COMMD1: variants seen among roughly 807,000 people sequenced by gnomAD.
The protein encoded by COMMD1 is copper metabolism domain containing 1, also known as COMM domain-containing protein 1.
Under a neutral mutation model 17.2 loss-of-function variants are expected in COMMD1, and 10 were observed. The ratio of observed to expected loss-of-function variants is 0.58; its 90% confidence interval spans 0.36 to 0.99. The LOEUF (loss-of-function observed/expected upper bound fraction) is 0.99, where lower values mean the gene tolerates loss of function less well. Ranked by LOEUF, COMMD1 falls within the 50% of genes least tolerant of loss-of-function variation. The pLI, the probability that COMMD1 is intolerant of heterozygous loss-of-function variation, is 0.01. For synonymous variants in COMMD1, 97 were observed against 91.6 expected, an observed-to-expected ratio of 1.06 and a Z score of -0.34; for missense variants, 270 against 231.8, an observed-to-expected ratio of 1.17 and a Z score of -1.07.
chr2:62,066,725 AT>A (rs537104678), intron 2 of COMMD1, among the ~76,000 whole-genome samples: 42 of 129,282 alleles, frequency 3.2e-4, no homozygotes, highest in Non-Finnish European at 2.8e-4. Context: ...ATGTATATAG[AT>A]TTTTTTTTTT....
intron 2 of COMMD1, among the ~76,000 whole-genome samples, chr2:62,023,053 C>T (rs1379090370): frequency 6.6e-6 from 1 of 152,096 alleles, no homozygotes; most frequent in East Asian, 1.9e-4. Context: ...ATGGTGAAAC[C>T]TCGACTCTAC....
At chr2:62,052,958 A>G (rs1353433607) in intron 2 of COMMD1, among the ~76,000 whole-genome samples, 2 of 152,102 alleles carry the variant, frequency 1.3e-5, no homozygotes, top group African/African-American at 2.4e-5. Context: ...AGTCCCAGCT[A>G]CTCGGGAGGC....
chr2:61,984,175 C>A (rs900568648), intron 1 of COMMD1, among the ~76,000 whole-genome samples: 6 of 152,164 alleles, frequency 3.9e-5, no homozygotes, highest in Non-Finnish European at 8.8e-5. Flanking sequence ...CAGGCGTGTG[C>A]CACCACACCC....
At chr2:62,057,583 A>G (rs2103931692) in intron 2 of COMMD1, among the ~76,000 whole-genome samples, 1 of 152,070 alleles carries the variant, frequency 6.6e-6, no homozygotes, top group Admixed American at 6.5e-5. Flanking sequence ...TATTTTATTT[A>G]TTTTTATTTA....
chr2:62,083,609 T>G (rs1322653658), intron 2 of COMMD1, among the ~76,000 whole-genome samples: 1 of 152,256 alleles, frequency 6.6e-6, no homozygotes, highest in African/African-American at 2.4e-5. Flanking sequence ...CTTATTCATT[T>G]TGTCATTCAA....
intron 2 of COMMD1, among the ~76,000 whole-genome samples, chr2:62,125,836 G>A (rs1462234395): frequency 6.6e-6 from 1 of 152,030 alleles, no homozygotes; most frequent in Non-Finnish European, 1.5e-5. Context: ...GTAAATGTGT[G>A]CCATGGTGGT....
In COMMD1 at chr2:61,905,711, C is replaced by A. The variant is rs764293302; in HGVS notation, c.33C>A (p.Pro11=). 5 of 1,600,898 alleles carry A rather than the reference C, an allele frequency of 3.1e-6. No individual in the cohort carries two copies. The highest frequency in any genetic ancestry group is 1.3e-5 in the African/African-American group (1 of 74,798). MAAGELEGGK[P]LSGLLNALAQ... ...CGGGCGAGCTTGAGGGTGGCAAACC[C>A]CTGAGCGGGCTGCTGAATGCGCTGG... Residue 11 remains proline (P), a synonymous_variant, in exon 1 of 3, where the codon CCC becomes CCA. Coordinates refer to ENST00000311832, the MANE Select transcript of COMMD1 (RefSeq NM_152516.4).
chr2:61,899,050 C>T (rs771305544), intron 1 of COMMD1, among the ~76,000 whole-genome samples: 3 of 152,146 alleles, frequency 2.0e-5, no homozygotes, highest in Non-Finnish European at 2.9e-5. Context: ...TATTTTGGAA[C>T]GTGCTGTAGG....
At chr2:62,055,483 A>G (rs772883491) in intron 2 of COMMD1, 1 of 456,054 alleles carries the variant, frequency 2.2e-6, no homozygotes, top group South Asian at 1.5e-5. Flanking sequence ...CCCACTTTGT[A>G]TATGTGGCGA....
chr2:61,926,944 C>T (rs540512235), intron 1 of COMMD1, among the ~76,000 whole-genome samples: 2 of 152,132 alleles, frequency 1.3e-5, no homozygotes, highest in Non-Finnish European at 2.9e-5. Context: ...TCTATTGAGA[C>T]GTGCCTCAGT....
intron 2 of COMMD1, among the ~76,000 whole-genome samples, chr2:62,122,976 GT>G (rs748596905): frequency 1.3e-5 from 2 of 152,154 alleles, no homozygotes; most frequent in African/African-American, 2.4e-5. Context: ...TCAGACTTTG[GT>G]TTTTATTGAG....
chr2:62,037,591 G>A (rs1670075882), intron 2 of COMMD1, among the ~76,000 whole-genome samples: 1 of 152,186 alleles, frequency 6.6e-6, no homozygotes, highest in South Asian at 2.1e-4. Flanking sequence ...TGGGCAATTA[G>A]GGAGATAACT....
At chr2:61,936,190 T>A (rs1238487534) in intron 1 of COMMD1, among the ~76,000 whole-genome samples, 1 of 152,180 alleles carries the variant, frequency 6.6e-6, no homozygotes, top group African/African-American at 2.4e-5. Context: ...CCTATTAGCG[T>A]CTCTGGTAGG....
At chr2:61,941,636 G>A (rs1034514629) in intron 1 of COMMD1, among the ~76,000 whole-genome samples, 10 of 152,242 alleles carry the variant, frequency 6.6e-5, no homozygotes, top group Non-Finnish European at 1.5e-4. Flanking sequence ...GCATTTATTT[G>A]GTCCACTAGG....
intron 2 of COMMD1, among the ~76,000 whole-genome samples, chr2:62,005,047 T>G (rs1421778880): frequency 6.6e-6 from 1 of 152,200 alleles, no homozygotes; most frequent in Non-Finnish European, 1.5e-5. Flanking sequence ...TGGTCACACA[T>G]AAGAATCACA....
rs1672337570 is a variant in COMMD1 at position 62,106,863 on chromosome 2, CAAAG to C, written c.463-28967_463-28964del. On this transcript the variant is annotated intron_variant, in intron 2 of 2. Coordinates refer to ENST00000311832, the MANE Select transcript of COMMD1 (RefSeq NM_152516.4). ...GTGTGAGAGACTGTAAATCAAGAAA[CAAAG>C]GAAGGGTGGAGAAAAATATTAATCT... Among the ~76,000 whole-genome samples, 8 of 152,272 alleles carry C rather than the reference CAAAG, an allele frequency of 5.3e-5. No individual in the cohort carries two copies. In the South Asian group the frequency reaches 1.5e-3, roughly 28 times the overall value.
At chr2:61,898,947 A>G (rs1669605319) in intron 1 of COMMD1, among the ~76,000 whole-genome samples, 1 of 152,172 alleles carries the variant, frequency 6.6e-6, no homozygotes, top group Non-Finnish European at 1.5e-5. Context: ...CTTGAAAGCC[A>G]TTCTAAAAAT....
At chr2:61,974,976 G>A (rs1211243589) in intron 1 of COMMD1, among the ~76,000 whole-genome samples, 3 of 151,660 alleles carry the variant, frequency 2.0e-5, no homozygotes, top group Admixed American at 6.6e-5. Context: ...TCTCTTTACC[G>A]TCTTCACAGT....
At chr2:61,906,117 A>G (rs1669766652) in intron 1 of COMMD1, among the ~76,000 whole-genome samples, 2 of 152,088 alleles carry the variant, frequency 1.3e-5, no homozygotes, top group African/African-American at 4.8e-5. Flanking sequence ...TTCCTTCAAG[A>G]CATTTCTGTC....
Sources: allele counts gnomAD v4.1 joint callset (sites outside exome capture counted in the v4.1 genomes callset), GRCh38; gene constraint gnomAD v4.1.1; transcripts MANE v1.5; gene names NCBI Gene and HGNC (gene_info 2026-07-23, HGNC 2026-07-21).